The following ZFAND3 variants were observed in gnomAD, a reference collection of about 807,000 sequenced individuals.
ZFAND3 encodes the protein zinc finger AN1-type containing 3, also known as AN1-type zinc finger protein 3.
A neutral mutation model predicts 29.6 loss-of-function variants in ZFAND3; 10 were observed. The ratio of observed to expected loss-of-function variants is 0.34; its 90% CI spans 0.21 to 0.57. ZFAND3 has a LOEUF of 0.57. Among genes scored for constraint, ZFAND3 ranks in the 20% least tolerant of loss-of-function variants. ZFAND3 has a pLI of 0.86. For missense variants in ZFAND3, 230 were observed against 304.5 expected (o/e 0.76, Z 1.82); for synonymous variants, 128 against 112.6 (o/e 1.14, Z -0.87).
intron 4 of ZFAND3, among the ~76,000 whole-genome samples, chr6:38,108,488 C>T (rs1406665332): frequency 1.3e-5 from 2 of 152,128 alleles, no homozygotes; most frequent in Non-Finnish European, 2.9e-5. Context: ...CAGCCGAGCT[C>T]GAGTCCCTGG....
At chr6:38,119,329 G>T (rs1172274178) in intron 5 of ZFAND3, among the ~76,000 whole-genome samples, 3 of 152,190 alleles carry the variant, frequency 2.0e-5, no homozygotes, top group Non-Finnish European at 4.4e-5. Flanking sequence ...AGGTTTTAGA[G>T]GGGGGATAAC....
chr6:38,013,256 C>T (rs1763192717), intron 2 of ZFAND3, among the ~76,000 whole-genome samples: 1 of 152,166 alleles, frequency 6.6e-6, no homozygotes, highest in African/African-American at 2.4e-5. Flanking sequence ...ATTTTTGTGG[C>T]ACAGACTTCT....
intron 2 of ZFAND3, among the ~76,000 whole-genome samples, chr6:38,050,655 G>A (rs935379882): frequency 3.3e-5 from 5 of 152,076 alleles, no homozygotes; most frequent in African/African-American, 1.2e-4. Context: ...CCATCCATGT[G>A]AAACTGTGAG....
At chr6:37,929,859 C>T in intron 1 of ZFAND3, 100 bp from the exon 2 acceptor site, 15 of 1,188,668 alleles carry the variant, frequency 1.3e-5, no homozygotes, top group Non-Finnish European at 1.7e-5. Flanking sequence ...GTTGCCTGAC[C>T]AGAAAGTTCT....
At chr6:37,988,974 A>C (rs1447656504) in intron 2 of ZFAND3, among the ~76,000 whole-genome samples, 1 of 151,720 alleles carries the variant, frequency 6.6e-6, no homozygotes, top group Non-Finnish European at 1.5e-5. Context: ...GTGCGGTCTC[A>C]GCTCACTGCA....
chr6:38,059,268 A>G lies in ZFAND3; in HGVS notation c.113-2325A>G, dbSNP rs190897776. Among the ~76,000 whole-genome samples the G allele has an allele frequency of 7.6e-3, 1,159 of 152,248 alleles. 6 individuals are homozygous for G. The highest frequency in any genetic ancestry group is 0.012 in the Non-Finnish European group (826 of 68,010). On this transcript the variant is annotated intron_variant, in intron 2 of 5. Transcript: ENST00000287218. ...TTTCCTTGAATGTTTTTATCTTGTA[A>G]TTATTATCATTCATGTATCCATAAA...
At chr6:38,131,387 G>C (rs1048762427) in intron 5 of ZFAND3, among the ~76,000 whole-genome samples, 4 of 152,326 alleles carry the variant, frequency 2.6e-5, no homozygotes, top group Admixed American at 2.0e-4. Flanking sequence ...CCTCAGCCCA[G>C]CGCTTTAGAG....
intron 1 of ZFAND3, among the ~76,000 whole-genome samples, chr6:37,888,659 G>C (rs981933650): frequency 6.6e-6 from 1 of 152,040 alleles, no homozygotes; most frequent in Non-Finnish European, 1.5e-5. Flanking sequence ...AATTTCCCTG[G>C]ATATGTTTTA....
At chr6:38,090,482 G>A (rs535557029) in intron 4 of ZFAND3, among the ~76,000 whole-genome samples, 3 of 152,036 alleles carry the variant, frequency 2.0e-5, no homozygotes, top group Non-Finnish European at 4.4e-5. Context: ...TTGATTCCTG[G>A]GGCAGGGGAC....
intron 1 of ZFAND3, among the ~76,000 whole-genome samples, chr6:37,875,635 T>G (rs974103332): frequency 2.4e-5 from 2 of 84,114 alleles, no homozygotes; most frequent in South Asian, 3.4e-4. Flanking sequence ...AATTTCTGTA[T>G]TTTTTTTTTT....
At chr6:37,893,496 C>T (rs1296121895) in intron 1 of ZFAND3, among the ~76,000 whole-genome samples, 3 of 152,130 alleles carry the variant, frequency 2.0e-5, no homozygotes, top group African/African-American at 2.4e-5. Context: ...TTATCTTTAA[C>T]GTATGACAGT....
At chr6:37,916,105 T>C (rs1248924659) in intron 1 of ZFAND3, among the ~76,000 whole-genome samples, 1 of 149,904 alleles carries the variant, frequency 6.7e-6, no homozygotes, top group East Asian at 2.0e-4. Context: ...AAAAAAAAAG[T>C]TTGCTGGCTT....
chr6:37,885,970 G>A (rs6914952), intron 1 of ZFAND3, among the ~76,000 whole-genome samples: 1 of 151,980 alleles, frequency 6.6e-6, no homozygotes, highest in African/African-American at 2.4e-5. Context: ...AGGTGCGGTG[G>A]CTTATGCCAG....
chr6:37,899,121 G>A (rs573149618), intron 1 of ZFAND3, among the ~76,000 whole-genome samples: 63 of 152,146 alleles, frequency 4.1e-4, no homozygotes, highest in Admixed American at 1.3e-3. Context: ...GTGTGGTCTC[G>A]ATCTCCTGAC....
chr6:37,900,406 A>G (rs1258579940), intron 1 of ZFAND3, among the ~76,000 whole-genome samples: 1 of 152,210 alleles, frequency 6.6e-6, no homozygotes, highest in Non-Finnish European at 1.5e-5. Flanking sequence ...GGAGAAACTC[A>G]TCTTACAAAT....
intron 5 of ZFAND3, among the ~76,000 whole-genome samples, chr6:38,123,075 C>G (rs1207223682): frequency 6.6e-6 from 1 of 152,228 alleles, no homozygotes. Flanking sequence ...ATACAGTCAA[C>G]ATGATCTAAT....
chr6:37,866,165 CTGTT>C (rs1764587691), intron 1 of ZFAND3, among the ~76,000 whole-genome samples: 1 of 152,128 alleles, frequency 6.6e-6, no homozygotes, highest in Admixed American at 6.5e-5. Flanking sequence ...AGTAGGAGCT[CTGTT>C]TGTCCCAGGT....
intron 1 of ZFAND3, among the ~76,000 whole-genome samples, chr6:37,928,905 G>C (rs1359255401): frequency 1.3e-5 from 2 of 152,128 alleles, no homozygotes; most frequent in African/African-American, 4.8e-5. Context: ...TGTTGGGTTG[G>C]CCTTTGGAGA....
intron 2 of ZFAND3, among the ~76,000 whole-genome samples, chr6:38,035,173 A>G (rs896821225): frequency 1.3e-5 from 2 of 152,300 alleles, no homozygotes; most frequent in African/African-American, 4.8e-5. Context: ...TTGGTGAACT[A>G]TAGCTGAAGT....
Sources: gnomAD v4.1 joint callset for allele counts (sites outside exome capture counted in the v4.1 genomes callset) on GRCh38, gnomAD v4.1.1 for gene constraint, MANE v1.5 for transcripts, NCBI Gene and HGNC (gene_info 2026-07-23, HGNC 2026-07-21) for gene names.